KIAA1549L: variants seen among roughly 807,000 people sequenced by gnomAD.
The protein encoded by KIAA1549L is KIAA1549 like, also known as UPF0606 protein KIAA1549L.
In KIAA1549L, 88 loss-of-function variants were observed where a neutral mutation model predicts 160.7. The ratio of observed to expected loss-of-function variants is 0.55; its 90% CI spans 0.46 to 0.65. The LOEUF is 0.65. KIAA1549L is among the 30% of genes least tolerant of loss of function. The pLI is 0.00. For missense variants in KIAA1549L, 2,258 were observed against 2,437.5 expected, an observed-to-expected ratio of 0.93 and a Z score of 1.55; for synonymous variants, 950 against 976.7, an observed-to-expected ratio of 0.97 and a Z score of 0.51.
At position 33,606,805 on chromosome 11, in the gene KIAA1549L, G is replaced by A; in HGVS notation, c.5044G>A (p.Ala1682Thr). The change falls in exon 14 of 21, where the codon GCA (alanine) becomes ACA (threonine). Residue 1682 changes from alanine (A) to threonine (T), a missense_variant. Physicochemically the swap from Ala to Thr is moderately conservative, Grantham distance 58 (BLOSUM62 0). This residue lies in a region of KIAA1549L where 1,359 missense variants were observed against 1,546.6 expected (regional missense o/e 0.88). Coordinates refer to ENST00000658780, the MANE Select transcript of KIAA1549L (RefSeq NM_012194.3). ...PTSDRSQESS[A>T]VLNGEVNKAL... ...CTCGGACAGGAGCCAGGAGTCATCGGCAGTCCTCAACGGCGAGGTAAGTGC... is the reference window on the plus strand; with the variant it reads ...CTCGGACAGGAGCCAGGAGTCATCGACAGTCCTCAACGGCGAGGTAAGTGC... 6.2e-7 allele frequency: 1 copy of A among 1,609,952 alleles called. No individual in the cohort carries two copies.
chr11:33,654,269 G>A (rs1363948322), intron 17 of KIAA1549L, among the ~76,000 whole-genome samples: 3 of 152,230 alleles, frequency 2.0e-5, no homozygotes, highest in Admixed American at 1.3e-4. Context: ...ACCACACCCA[G>A]CCTGGTCAAC....
chr11:33,629,748 T>C (rs985292751), intron 16 of KIAA1549L, among the ~76,000 whole-genome samples: 3 of 151,002 alleles, frequency 2.0e-5, no homozygotes, highest in African/African-American at 7.4e-5. Flanking sequence ...CTCCCGTAGC[T>C]CGGAGTAATT....
intron 1 of KIAA1549L, among the ~76,000 whole-genome samples, chr11:33,504,698 C>T (rs575296861): frequency 3.9e-5 from 6 of 152,244 alleles, no homozygotes; most frequent in East Asian, 3.9e-4. Context: ...AAACTCCTGA[C>T]CTCAAGTGAT....
Position 33,446,337 on chromosome 11 carries a change from C to T in KIAA1549L, c.238+69448C>T, listed in dbSNP as rs1157679347. Among the ~76,000 whole-genome samples the T allele has an allele frequency of 3.9e-5, 6 of 152,126 alleles. No homozygotes were observed. The East Asian group carries it at 5.8e-4, about 15-fold the overall frequency. On this transcript the variant is annotated intron_variant, in intron 1 of 20. Coordinates refer to ENST00000658780, the MANE Select transcript of KIAA1549L (RefSeq NM_012194.3). ...CTTGAACTCCTGACCTCAAGTAATC[C>T]GCCCATCTCGGCCTCCCAAAGTGCT...
At chr11:33,570,102 C>G (rs1855198416) in intron 9 of KIAA1549L, among the ~76,000 whole-genome samples, 2 of 151,538 alleles carry the variant, frequency 1.3e-5, no homozygotes, top group Admixed American at 6.6e-5. Flanking sequence ...CTCCCGGGTC[C>G]AAGCGATTCT....
At chr11:33,538,432 T>C (rs909251243) in intron 1 of KIAA1549L, among the ~76,000 whole-genome samples, 1 of 152,220 alleles carries the variant, frequency 6.6e-6, no homozygotes, top group Non-Finnish European at 1.5e-5. Context: ...TTTTATAATG[T>C]AAAACACCTC....
chr11:33,629,001 C>T (rs1851198934), intron 16 of KIAA1549L, among the ~76,000 whole-genome samples: 1 of 151,372 alleles, frequency 6.6e-6, no homozygotes, highest in Admixed American at 6.6e-5. Context: ...AAGCTCTCAG[C>T]ATTTGCTTGT....
chr11:33,654,087 C>T (rs901219874), intron 17 of KIAA1549L, among the ~76,000 whole-genome samples: 2 of 152,122 alleles, frequency 1.3e-5, no homozygotes, highest in Admixed American at 6.5e-5. Context: ...ATTCTCCTGC[C>T]TCAGCCTCCC....
At position 33,548,351 on chromosome 11, in the gene KIAA1549L, A is replaced by T. The variant is rs928228525; in HGVS notation, c.3501+472A>T. Reference sequence around the variant, plus strand: ...GATGTGGAGGTTGCAGTGAGCTGAGATCATGCCGCTGCACTCCAGCCTGGG... The same window carrying T: ...GATGTGGAGGTTGCAGTGAGCTGAGTTCATGCCGCTGCACTCCAGCCTGGG... On this transcript the variant is annotated intron_variant, in intron 4 of 20. Transcript: ENST00000658780. 2.6e-5 allele frequency among the ~76,000 whole-genome samples: 4 copies of T among 152,306 alleles called. No homozygotes were observed. The South Asian group carries it at 8.3e-4, about 32-fold the overall frequency.
intron 8 of KIAA1549L, among the ~76,000 whole-genome samples, chr11:33,564,115 T>C (rs1362589578): frequency 6.6e-6 from 1 of 152,204 alleles, no homozygotes; most frequent in Non-Finnish European, 1.5e-5. Context: ...CTGGATCAGT[T>C]GGTTAGTGCT....
At chr11:33,421,519 C>T (rs1246250508) in intron 1 of KIAA1549L, among the ~76,000 whole-genome samples, 2 of 152,242 alleles carry the variant, frequency 1.3e-5, no homozygotes, top group Admixed American at 1.3e-4. Context: ...TTAACAAGAT[C>T]TCCAGGTGAT....
At chr11:33,629,213 C>G (rs1439301605) in intron 16 of KIAA1549L, among the ~76,000 whole-genome samples, 1 of 151,338 alleles carries the variant, frequency 6.6e-6, no homozygotes, top group African/African-American at 2.4e-5. Flanking sequence ...CTCTGGCTGC[C>G]CTTAACATTT....
intron 1 of KIAA1549L, among the ~76,000 whole-genome samples, chr11:33,416,066 A>ACAC (rs1850882856): frequency 2.0e-5 from 3 of 152,044 alleles, no homozygotes; most frequent in Admixed American, 6.5e-5. Flanking sequence ...CCAACCAATA[A>ACAC]AAAGGCTCTT....
chr11:33,609,633 G>A (rs1785497462), intron 14 of KIAA1549L, 116 bp from the exon 15 acceptor site: 2 of 764,686 alleles, frequency 2.6e-6, no homozygotes, highest in Admixed American at 4.4e-5. Context: ...CTAGCTCAGA[G>A]GCCCGGAGGT....
chr11:33,426,723 CAGAG>C (rs1851123714), intron 1 of KIAA1549L, among the ~76,000 whole-genome samples: 1 of 152,106 alleles, frequency 6.6e-6, no homozygotes, highest in South Asian at 2.1e-4. Flanking sequence ...GGATACATCT[CAGAG>C]AGATTCATTT....
At chr11:33,469,989 A>G (rs958240438) in intron 1 of KIAA1549L, among the ~76,000 whole-genome samples, 2 of 152,174 alleles carry the variant, frequency 1.3e-5, no homozygotes, top group African/African-American at 4.8e-5. Context: ...TTGATAGTGC[A>G]CTTGAAGGCA....
chr11:33,465,771 C>A (rs959917670), intron 1 of KIAA1549L, among the ~76,000 whole-genome samples: 2 of 151,982 alleles, frequency 1.3e-5, no homozygotes, highest in African/African-American at 4.8e-5. Flanking sequence ...TAGATTGTGC[C>A]GGGAAAACTG....
intron 8 of KIAA1549L, among the ~76,000 whole-genome samples, chr11:33,563,914 C>G (rs2133224774): frequency 6.6e-6 from 1 of 152,304 alleles, no homozygotes; most frequent in Non-Finnish European, 1.5e-5. Flanking sequence ...GTCATCTTTT[C>G]TTCATCTACC....
intron 20 of KIAA1549L, among the ~76,000 whole-genome samples, chr11:33,665,959 C>G (rs981161046): frequency 5.9e-5 from 9 of 152,130 alleles, no homozygotes; most frequent in African/African-American, 2.2e-4. Context: ...AGCTCCAGAC[C>G]TGCCAACTCT....
Sources: allele counts gnomAD v4.1 joint callset (sites outside exome capture counted in the v4.1 genomes callset), GRCh38; gene constraint gnomAD v4.1.1; regional missense constraint gnomAD v4.1.1; transcripts MANE v1.5; gene names NCBI Gene and HGNC (gene_info 2026-07-23, HGNC 2026-07-21).